The following FAM135B variants were observed in gnomAD, a reference collection of about 807,000 sequenced individuals.
FAM135B encodes the protein protein FAM135B.
FAM135B carries 43 observed loss-of-function variants against 127.7 expected under a neutral mutation model. The ratio of observed to expected loss-of-function variants is 0.34; its 90% CI spans 0.26 to 0.43. The LOEUF is 0.43. Among genes scored for constraint, FAM135B ranks in the 20% least tolerant of loss-of-function variants. The pLI is 1.00. For synonymous variants in FAM135B, 670 were observed against 665.1 expected (o/e 1.01, Z -0.11); for missense variants, 1,558 against 1,725.6 (o/e 0.90, Z 1.72).
chr8:138,445,566 C>G (rs922410644), intron 1 of FAM135B, among the ~76,000 whole-genome samples: 14 of 152,294 alleles, frequency 9.2e-5, no homozygotes, highest in African/African-American at 3.4e-4. Context: ...ATGATTATCT[C>G]AATAGATGCA....
At chr8:138,457,574 A>G (rs1274045063) in intron 1 of FAM135B, among the ~76,000 whole-genome samples, 1 of 152,184 alleles carries the variant, frequency 6.6e-6, no homozygotes, top group African/African-American at 2.4e-5. Context: ...GAGCCACTGA[A>G]GGCTTTGCAG....
At chr8:138,416,990 C>A (rs1167605231) in intron 1 of FAM135B, among the ~76,000 whole-genome samples, 1 of 152,154 alleles carries the variant, frequency 6.6e-6, no homozygotes, top group Non-Finnish European at 1.5e-5. Flanking sequence ...TTCCACAACC[C>A]CGATGGACAT....
At chr8:138,238,475 G>A (rs930652754) in intron 7 of FAM135B, among the ~76,000 whole-genome samples, 1 of 152,112 alleles carries the variant, frequency 6.6e-6, no homozygotes, top group Non-Finnish European at 1.5e-5. Flanking sequence ...AGATGTCAAA[G>A]GTGCTGTAGG....
intron 1 of FAM135B, chr8:138,437,235 A>T (rs781045843): frequency 3.9e-5 from 6 of 152,218 alleles, no homozygotes; most frequent in Non-Finnish European, 8.8e-5. Context: ...GCAATCAAAC[A>T]AACATGGGTT....
chr8:138,213,957 T>TTG (rs1563777624), intron 7 of FAM135B, among the ~76,000 whole-genome samples: 1 of 151,566 alleles, frequency 6.6e-6, no homozygotes, highest in Non-Finnish European at 1.5e-5. Context: ...TCAGGATGGC[T>TTG]TTGTGGGGGC....
At chr8:138,174,723 C>T (rs924186152) in intron 11 of FAM135B, among the ~76,000 whole-genome samples, 3 of 152,036 alleles carry the variant, frequency 2.0e-5, no homozygotes, top group South Asian at 2.1e-4. Flanking sequence ...TGGAGAGCTC[C>T]GTCTCCCATC....
intron 6 of FAM135B, among the ~76,000 whole-genome samples, chr8:138,247,876 C>T (rs1821406769): frequency 1.3e-5 from 2 of 152,226 alleles, no homozygotes; most frequent in African/African-American, 4.8e-5. Flanking sequence ...AATTTACCAT[C>T]CCAAATTCAC....
intron 1 of FAM135B, among the ~76,000 whole-genome samples, chr8:138,466,734 T>C (rs1170450875): frequency 6.6e-6 from 1 of 152,230 alleles, no homozygotes; most frequent in Non-Finnish European, 1.5e-5. Flanking sequence ...CTTTGTTAAC[T>C]GTATGGAGGG....
At position 138,232,153 on chromosome 8, in the gene FAM135B, A is replaced by G. The variant is rs535952927; in HGVS notation, c.669+10789T>C. ...ACTCCAAGGCCACTATTCTTGCTCT[A>G]TGCCCTGCTGCTCTGTCACCTTGTA... On this transcript the variant is annotated intron_variant, in intron 7 of 19. Transcript: ENST00000395297. 3.3e-5 allele frequency among the ~76,000 whole-genome samples: 5 copies of G among 152,340 alleles called. No homozygotes were observed. In the South Asian group the frequency reaches 1.0e-3, roughly 32 times the overall value.
At chr8:138,275,235 G>A (rs559768133) in intron 3 of FAM135B, among the ~76,000 whole-genome samples, 11 of 152,280 alleles carry the variant, frequency 7.2e-5, no homozygotes, top group South Asian at 4.1e-4. Flanking sequence ...CTGACTTCCC[G>A]CAACAGCACA....
At chr8:138,337,772 T>C (rs920742776) in intron 2 of FAM135B, among the ~76,000 whole-genome samples, 16 of 152,136 alleles carry the variant, frequency 1.1e-4, no homozygotes, top group Non-Finnish European at 7.4e-5. Flanking sequence ...AAAGTTCATA[T>C]GGAATCAAAA....
intron 4 of FAM135B, among the ~76,000 whole-genome samples, chr8:138,259,026 T>TGG (rs1022716140): frequency 3.3e-5 from 5 of 152,206 alleles, no homozygotes; most frequent in African/African-American, 1.2e-4. Flanking sequence ...ACTATTTTAT[T>TGG]TAATGTGGAT....
chr8:138,236,692 T>C (rs1028193855), intron 7 of FAM135B, among the ~76,000 whole-genome samples: 5 of 152,244 alleles, frequency 3.3e-5, no homozygotes, highest in African/African-American at 1.2e-4. Flanking sequence ...TCCATGCACA[T>C]AAGTGGCTTA....
intron 1 of FAM135B, among the ~76,000 whole-genome samples, chr8:138,451,289 T>C (rs1836465147): frequency 6.6e-6 from 1 of 152,192 alleles, no homozygotes. Flanking sequence ...TGCATTCTTG[T>C]TTGCTACCAA....
intron 11 of FAM135B, among the ~76,000 whole-genome samples, chr8:138,171,057 G>A (rs1387857186): frequency 1.3e-5 from 2 of 152,110 alleles, no homozygotes; most frequent in African/African-American, 4.8e-5. Flanking sequence ...TGGTTCTGAG[G>A]AATTCCAACC....
intron 2 of FAM135B, among the ~76,000 whole-genome samples, chr8:138,350,548 T>C (rs1287396598): frequency 1.3e-5 from 2 of 151,752 alleles, no homozygotes; most frequent in African/African-American, 4.9e-5. Flanking sequence ...CGTGGAGAAA[T>C]ATTGCTGCTG....
At chr8:138,356,751 T>C (rs574637546) in intron 2 of FAM135B, among the ~76,000 whole-genome samples, 1 of 152,304 alleles carries the variant, frequency 6.6e-6, no homozygotes, top group South Asian at 2.1e-4. Context: ...TACCTGAGTG[T>C]CAATGGCTGG....
intron 9 of FAM135B, among the ~76,000 whole-genome samples, chr8:138,180,213 T>C (rs534456968): frequency 6.6e-6 from 1 of 152,306 alleles, no homozygotes; most frequent in South Asian, 2.1e-4. Flanking sequence ...GTCACTGACC[T>C]CTAAGCTTCC....
At position 138,449,591 on chromosome 8, in the gene FAM135B, T is replaced by C. The variant is rs1836383294; in HGVS notation, c.-20+47080A>G. Among the ~76,000 whole-genome samples, 3 of 152,202 alleles carry C rather than the reference T, an allele frequency of 2.0e-5. No homozygotes were observed. In the South Asian group the frequency reaches 6.2e-4, roughly 32 times the overall value. ...AAGACCAACTTCAGGATTCAAACTC[T>C]ACTAAGTGCATTGGAAGCCTATTTA... On this transcript the variant is annotated intron_variant, in intron 1 of 19. Transcript: ENST00000395297.
Sources: gnomAD v4.1 joint callset for allele counts (sites outside exome capture counted in the v4.1 genomes callset) on GRCh38, gnomAD v4.1.1 for gene constraint, MANE v1.5 for transcripts, NCBI Gene and HGNC (gene_info 2026-07-23, HGNC 2026-07-21) for gene names.